Variants in SPATA13 observed in about 807,000 individuals in gnomAD.
The protein encoded by SPATA13 is spermatogenesis associated 13, also known as spermatogenesis-associated protein 13.
Under a neutral mutation model 104.0 loss-of-function variants are expected in SPATA13, and 50 were observed. The ratio of observed to expected loss-of-function variants is 0.48; its 90% confidence interval spans 0.38 to 0.61. The LOEUF (loss-of-function observed/expected upper bound fraction) is 0.61. Ranked by LOEUF, SPATA13 falls within the 20% of genes least tolerant of loss-of-function variation. The pLI, the probability that SPATA13 is intolerant of heterozygous loss-of-function variation, is 0.00. For synonymous variants in SPATA13, 606 were observed against 667.5 expected, an observed-to-expected ratio of 0.91 and a Z score of 1.42; for missense variants, 1,524 against 1,690.6, an observed-to-expected ratio of 0.90 and a Z score of 1.73.
chr13:24,135,976 C>T (rs1454823344), intron 3 of SPATA13, among the ~76,000 whole-genome samples: 9 of 152,128 alleles, frequency 5.9e-5, no homozygotes, highest in African/African-American at 2.2e-4. Context: ...ATCTTTTGAT[C>T]TCCTGGAAAC....
intron 3 of SPATA13, among the ~76,000 whole-genome samples, chr13:24,084,273 C>T (rs1252109282): frequency 2.0e-5 from 3 of 152,124 alleles, no homozygotes; most frequent in African/African-American, 7.2e-5. Context: ...AGGAGGCATT[C>T]GCTGGTGGGG....
chr13:23,985,870 C>T (rs1000657888), intron 2 of SPATA13, among the ~76,000 whole-genome samples: 4 of 152,156 alleles, frequency 2.6e-5, no homozygotes, highest in African/African-American at 9.7e-5. Flanking sequence ...CAACAGCCAG[C>T]GGTCCATACG....
chr13:24,286,248 C>G lies in SPATA13; in HGVS notation c.2336C>G (p.Ala779Gly), dbSNP rs1875930598. ...ISDGNVVCAE[A>G]LWDHVTMDDQ... ...GATGGCAACGTGGTCTGCGCAGAAG[C>G]CCTGTGGGACCATGTGACCATGGAT... Residue 779 changes from alanine (A) to glycine (G), a missense_variant, in exon 6 of 13, where the codon GCC (alanine) becomes GGC (glycine). By Grantham distance (60) the Ala-to-Gly change is moderately conservative. This residue lies in a region of SPATA13 where 1,089 missense variants were observed against 1,135.9 expected (regional missense o/e 0.96). Coordinates refer to ENST00000382108, the MANE Select transcript of SPATA13 (RefSeq NM_001166271.3). The surrounding 1 kb of genome is among the most constrained non-coding windows in gnomAD (Gnocchi z 4.9). 6.2e-7 allele frequency: 1 copy of G among 1,613,752 alleles called. No homozygotes were observed. The highest frequency in any genetic ancestry group is 8.5e-7 in the Non-Finnish European group (1 of 1,179,970).
At chr13:24,116,998 G>A (rs1018481131) in intron 3 of SPATA13, among the ~76,000 whole-genome samples, 2 of 152,184 alleles carry the variant, frequency 1.3e-5, no homozygotes, top group African/African-American at 4.8e-5. Flanking sequence ...AGGGCATCTT[G>A]ATCTTGGACT....
chr13:24,181,263 A>G (rs1868787460), intron 1 of SPATA13, among the ~76,000 whole-genome samples: 1 of 152,206 alleles, frequency 6.6e-6, no homozygotes, highest in Non-Finnish European at 1.5e-5. Context: ...AAATGTATTT[A>G]ATATATGTGC....
chr13:24,222,944 C>A lies in SPATA13; in HGVS notation c.15C>A (p.Ala5=). 1 of 1,551,116 alleles carries A rather than the reference C, an allele frequency of 6.4e-7. No homozygotes were observed. Among genetic ancestry groups the A allele is most frequent in the Non-Finnish European group, 8.7e-7 (1 of 1,146,708 alleles). MTQA[A]VRPWAPCLEN... is the part of the protein sequence containing the mutation. ...TGCCCGTGGCCATGACCCAGGCTGC[C>A]GTGCGGCCCTGGGCACCCTGCCTGG... The change falls in exon 2 of 13, where the codon GCC becomes GCA. Residue 5 remains alanine (A), a synonymous_variant. Transcript: ENST00000382108.
chr13:24,231,249 G>T (rs543299060), intron 2 of SPATA13, among the ~76,000 whole-genome samples: 2 of 152,162 alleles, frequency 1.3e-5, no homozygotes, highest in Non-Finnish European at 2.9e-5. Flanking sequence ...AAGAAGCCTC[G>T]CGCCATTTGC....
At chr13:24,107,275 G>C (rs911836583) in intron 3 of SPATA13, among the ~76,000 whole-genome samples, 5 of 134,014 alleles carry the variant, frequency 3.7e-5, no homozygotes, top group African/African-American at 1.4e-4. Context: ...GCTCAAGCCT[G>C]GTTCTCCACT....
At chr13:24,271,007 C>T in intron 4 of SPATA13, 1 of 830,644 alleles carries the variant, frequency 1.2e-6, no homozygotes, top group Admixed American at 1.9e-5. Context: ...CTCTCTCTCT[C>T]TCCACTCTCT....
chr13:24,077,218 A>G (rs1879359197), intron 3 of SPATA13, among the ~76,000 whole-genome samples: 1 of 145,854 alleles, frequency 6.9e-6, no homozygotes, highest in Non-Finnish European at 1.5e-5. Flanking sequence ...AAATTTTCCT[A>G]CGAGAAATAG....
At chr13:23,989,478 G>A (rs913422590) in intron 2 of SPATA13, among the ~76,000 whole-genome samples, 1 of 151,580 alleles carries the variant, frequency 6.6e-6, no homozygotes, top group African/African-American at 2.4e-5. Flanking sequence ...ATAAACGTAA[G>A]TAGCTTGGTA....
intron 3 of SPATA13, among the ~76,000 whole-genome samples, chr13:24,031,346 T>G (rs574618008): frequency 6.6e-6 from 1 of 152,328 alleles, no homozygotes; most frequent in African/African-American, 2.4e-5. Flanking sequence ...GATCTGACTC[T>G]AGCACACCAA....
At chr13:24,164,907 G>T (rs577470880) in intron 1 of SPATA13, among the ~76,000 whole-genome samples, 2 of 152,326 alleles carry the variant, frequency 1.3e-5, no homozygotes, top group South Asian at 4.1e-4. Flanking sequence ...CAGTCCAGCC[G>T]TCGCGCTAAC....
intron 9 of SPATA13, among the ~76,000 whole-genome samples, chr13:24,291,676 C>T (rs900754771): frequency 1.3e-5 from 2 of 152,216 alleles, no homozygotes; most frequent in Admixed American, 1.3e-4. Flanking sequence ...ACTCACACTT[C>T]TGTTGTTTGG....
In SPATA13 at chr13:24,302,991, T is replaced by C. The variant is rs568231474; in HGVS notation, c.*218T>C. On this transcript the variant is annotated 3_prime_UTR_variant, in exon 13 of 13. Transcript: ENST00000382108. ...ACGGTCATGACACAAAGCTTTATCC[T>C]ACACAGAAACACCCGTGACCCACTA... 22 of 608,400 alleles carry C rather than the reference T, an allele frequency of 3.6e-5. No individual in the cohort carries two copies. The Admixed American group carries it at 6.0e-4, about 17-fold the overall frequency. The allele number at this position is 608,400 out of a possible 1,614,324, so 37.7% of individuals were successfully genotyped here. A position where few individuals can be genotyped will look rare whatever the true frequency, so the allele number is the denominator to read the frequency against.
At chr13:24,242,314 A>T (rs1319905211) in intron 2 of SPATA13, among the ~76,000 whole-genome samples, 1 of 152,196 alleles carries the variant, frequency 6.6e-6, no homozygotes. Context: ...ACACACATGG[A>T]TGAATGGAGA....
At chr13:24,035,256 G>A (rs1244849268) in intron 3 of SPATA13, among the ~76,000 whole-genome samples, 1 of 151,580 alleles carries the variant, frequency 6.6e-6, no homozygotes, top group Non-Finnish European at 1.5e-5. Flanking sequence ...CCACATTCAG[G>A]CAATTCTCGT....
At chr13:24,181,380 T>C (rs1868796704) in intron 1 of SPATA13, among the ~76,000 whole-genome samples, 1 of 152,232 alleles carries the variant, frequency 6.6e-6, no homozygotes, top group African/African-American at 2.4e-5. Context: ...AATCTTTTAC[T>C]GTTTTGTGAT....
chr13:24,144,929 C>A (rs997655948), intron 3 of SPATA13, among the ~76,000 whole-genome samples: 14 of 152,160 alleles, frequency 9.2e-5, no homozygotes, highest in African/African-American at 2.4e-5. Flanking sequence ...TCATTACTTC[C>A]AAATTTGGAT....
Sources: gnomAD v4.1 joint callset for allele counts (sites outside exome capture counted in the v4.1 genomes callset) on GRCh38, gnomAD v4.1.1 for gene constraint, gnomAD v4.1.1 regional missense constraint, Gnocchi (gnomAD v3.1) non-coding constraint, MANE v1.5 for transcripts, NCBI Gene and HGNC (gene_info 2026-07-23, HGNC 2026-07-21) for gene names.